Variants in ULK4 observed in about 807,000 individuals in gnomAD.
ULK4 encodes unc-51 like kinase 4.
Under a neutral mutation model 160.6 loss-of-function variants are expected in ULK4, and 133 were observed. The ratio of observed to expected loss-of-function variants is 0.83; its 90% CI spans 0.72 to 0.96. ULK4 has a LOEUF of 0.96. Among genes scored for constraint, ULK4 ranks in the 40% least tolerant of loss-of-function variants. The pLI, the probability that ULK4 is intolerant of heterozygous loss-of-function variation, is 0.00. For missense variants in ULK4, 1,580 were observed against 1,499.5 expected, an observed-to-expected ratio of 1.05 and a Z score of -0.89; for synonymous variants, 534 against 539.8, an observed-to-expected ratio of 0.99 and a Z score of 0.15.
chr3:41,334,182 A>T (rs2080504966), intron 35 of ULK4, among the ~76,000 whole-genome samples: 1 of 152,128 alleles, frequency 6.6e-6, no homozygotes, highest in African/African-American at 2.4e-5. Context: ...AAGAGGGCTA[A>T]ACACGGAGGG....
chr3:41,562,746 A>G (rs1342220464), intron 32 of ULK4, among the ~76,000 whole-genome samples: 5 of 151,900 alleles, frequency 3.3e-5, no homozygotes, highest in Non-Finnish European at 5.9e-5. Flanking sequence ...TTTTGAGCCT[A>G]TGTGTGTCTC....
chr3:41,546,815 C>T (rs1399103329), intron 32 of ULK4, among the ~76,000 whole-genome samples: 1 of 149,998 alleles, frequency 6.7e-6, no homozygotes, highest in Non-Finnish European at 1.5e-5. Context: ...CAAGTTTCAC[C>T]TCACGTGTTT....
At chr3:41,912,032 G>T (rs916246773) in intron 9 of ULK4, among the ~76,000 whole-genome samples, 29 of 149,440 alleles carry the variant, frequency 1.9e-4, no homozygotes, top group African/African-American at 6.9e-4. Flanking sequence ...AAAAAAAAAA[G>T]ATCCAGGCTG....
chr3:41,646,736 G>C (rs1298501887), intron 30 of ULK4, among the ~76,000 whole-genome samples: 1 of 152,128 alleles, frequency 6.6e-6, no homozygotes, highest in African/African-American at 2.4e-5. Context: ...CTGAATGTTG[G>C]CCTGCCTTGC....
intron 35 of ULK4, among the ~76,000 whole-genome samples, chr3:41,345,416 C>G (rs188677100): frequency 7.9e-5 from 12 of 152,262 alleles, no homozygotes; most frequent in Admixed American, 7.2e-4. Context: ...AAATGTGGTA[C>G]ATATACACAA....
At chr3:41,931,729 A>G (rs1699611210) in intron 5 of ULK4, 115 bp downstream of exon 5, 3 of 1,298,690 alleles carry the variant, frequency 2.3e-6, no homozygotes, top group Non-Finnish European at 3.2e-6. Flanking sequence ...GGTCATTACC[A>G]TTTTCAATAT....
intron 32 of ULK4, among the ~76,000 whole-genome samples, chr3:41,543,406 GA>G (rs1311608396): frequency 8.6e-5 from 13 of 152,030 alleles, no homozygotes; most frequent in Non-Finnish European, 1.3e-4. Context: ...CCTGTAAGAA[GA>G]TGAGATCTGG....
chr3:41,754,060 T>G (rs1052024487), intron 22 of ULK4, among the ~76,000 whole-genome samples: 5 of 152,082 alleles, frequency 3.3e-5, no homozygotes, highest in African/African-American at 9.7e-5. Flanking sequence ...TTACTCCCAC[T>G]TGGTCCCACC....
intron 35 of ULK4, among the ~76,000 whole-genome samples, chr3:41,323,455 C>A (rs916107662): frequency 1.4e-5 from 2 of 145,746 alleles, no homozygotes; most frequent in African/African-American, 5.1e-5. Flanking sequence ...ACCAAAAAAA[C>A]AGAGGCATGG....
At chr3:41,918,651 G>A in intron 6 of ULK4, 111 bp from the exon 7 acceptor site, 1 of 553,196 alleles carries the variant, frequency 1.8e-6, no homozygotes, top group Non-Finnish European at 2.9e-6. Context: ...ACCCAGGCTG[G>A]AGTGCAGTGG....
chr3:41,368,344 C>T (rs952031652), intron 35 of ULK4, among the ~76,000 whole-genome samples: 3 of 152,130 alleles, frequency 2.0e-5, no homozygotes, highest in Middle Eastern at 3.2e-3. Flanking sequence ...CCACCAAGCC[C>T]GGCCTGTGTT....
rs1299696748 is a variant in ULK4 at position 41,246,833 on chromosome 3, T to C, written c.*96A>G. 2 of 1,429,446 alleles carry C rather than the reference T, an allele frequency of 1.4e-6. No individual in the cohort carries two copies. The highest frequency in any genetic ancestry group is 1.9e-6 in the Non-Finnish European group (2 of 1,036,728). 88.5% of individuals were successfully genotyped at this position (1,429,446 alleles called of 1,614,324 possible). Reference sequence around the variant, plus strand: ...TGACTTTATTAGGTCCAAAGACAGCTGTGAGGGGATGTGGCAAAGGTGTCT... The same window carrying C: ...TGACTTTATTAGGTCCAAAGACAGCCGTGAGGGGATGTGGCAAAGGTGTCT... On this transcript the variant is annotated 3_prime_UTR_variant, in exon 37 of 37. Transcript: ENST00000301831.
intron 35 of ULK4, among the ~76,000 whole-genome samples, chr3:41,293,955 G>A (rs2079620748): frequency 6.6e-6 from 1 of 152,220 alleles, no homozygotes; most frequent in South Asian, 2.1e-4. Flanking sequence ...AGAGAACAGT[G>A]TGAACCAACA....
intron 34 of ULK4, among the ~76,000 whole-genome samples, chr3:41,417,186 C>T (rs2082546997): frequency 6.6e-6 from 1 of 152,096 alleles, no homozygotes; most frequent in East Asian, 1.9e-4. Context: ...AGCACTTGTT[C>T]CAGGAGAAAC....
intron 30 of ULK4, among the ~76,000 whole-genome samples, chr3:41,639,978 T>C (rs1252010666): frequency 6.6e-6 from 1 of 152,200 alleles, no homozygotes; most frequent in African/African-American, 2.4e-5. Flanking sequence ...CTGACTGCTT[T>C]GAGGCCAGAC....
intron 20 of ULK4, among the ~76,000 whole-genome samples, chr3:41,791,333 T>C (rs2040144117): frequency 6.6e-6 from 1 of 152,206 alleles, no homozygotes; most frequent in Non-Finnish European, 1.5e-5. Context: ...TTTCACCATG[T>C]TGGCCAGGTT....
In ULK4 at chr3:41,329,561, C is replaced by T. The variant is rs1285175224; in HGVS notation, c.3678+68518G>A. 3.3e-5 allele frequency among the ~76,000 whole-genome samples: 5 copies of T among 151,690 alleles called. No homozygotes were observed. In the East Asian group the frequency reaches 9.6e-4, roughly 29 times the overall value. ...ACTCTTTTCTGAACTTATTTTGTTA[C>T]GTTTGAAAGAAATCTATAAAAAATT... On this transcript the variant is annotated intron_variant, in intron 35 of 36. Transcript: ENST00000301831.
intron 35 of ULK4, among the ~76,000 whole-genome samples, chr3:41,331,293 C>T (rs897327381): frequency 1.9e-4 from 29 of 152,140 alleles, no homozygotes; most frequent in Admixed American, 1.4e-3. Context: ...ATTAAGAGAG[C>T]AGAAACACTT....
chr3:41,736,368 T>A (rs889343956), intron 22 of ULK4, among the ~76,000 whole-genome samples: 5 of 151,532 alleles, frequency 3.3e-5, no homozygotes, highest in Admixed American at 6.5e-5. Context: ...TCCCTGACTT[T>A]TTAATGATTG....
Sources: gnomAD v4.1 joint callset for allele counts (sites outside exome capture counted in the v4.1 genomes callset) on GRCh38, gnomAD v4.1.1 for gene constraint, MANE v1.5 for transcripts, NCBI Gene and HGNC (gene_info 2026-07-23, HGNC 2026-07-21) for gene names.